The following CHRNB2 variants were observed in gnomAD, a reference collection of about 807,000 sequenced individuals.
CHRNB2 encodes the protein cholinergic receptor nicotinic beta 2 subunit, also known as neuronal acetylcholine receptor subunit beta-2.
CHRNB2 carries 33 observed loss-of-function variants against 42.7 expected under a neutral mutation model. The ratio of observed to expected loss-of-function variants is 0.77; its 90% CI spans 0.59 to 1.03. CHRNB2 has a LOEUF of 1.03. CHRNB2 is among the 50% of genes least tolerant of loss of function. CHRNB2 has a pLI of 0.00. For synonymous variants in CHRNB2, 325 were observed against 292.9 expected, an observed-to-expected ratio of 1.11 and a Z score of -1.12; for missense variants, 603 against 700.9, an observed-to-expected ratio of 0.86 and a Z score of 1.58.
chr1:154,569,395 G>C (rs1696119272), intron 1 of CHRNB2, 67 bp from the exon 2 acceptor site: 1 of 1,596,982 alleles, frequency 6.3e-7, no homozygotes, highest in African/African-American at 1.3e-5. Context: ...CATTTGCCTG[G>C]GGAGGGTGGG....
In CHRNB2 at chr1:154,576,169, G is replaced by A. The variant is rs1039769444; in HGVS notation, c.*237G>A. 1.6e-5 allele frequency: 9 copies of A among 578,846 alleles called. No homozygotes were observed. Among genetic ancestry groups the A allele is most frequent in the Non-Finnish European group, 2.5e-5 (8 of 319,592 alleles). 35.9% of individuals were successfully genotyped at this position (578,846 alleles called of 1,614,324 possible). A position where few individuals can be genotyped will look rare whatever the true frequency, so the allele number is the denominator to read the frequency against. On this transcript the variant is annotated 3_prime_UTR_variant, in exon 6 of 6. Coordinates refer to ENST00000368476, the MANE Select transcript of CHRNB2 (RefSeq NM_000748.3). ...CTCTCCATCTCTTGTACCAGCCCAG[G>A]CAATAGTGTTGAGGAGGGGAGCAAG...
In CHRNB2 at chr1:154,567,997, C is replaced by G. The variant is rs1052728824; in HGVS notation, c.-48C>G. Reference sequence around the variant, plus strand: ...GCCCCACCCGCGGCCCTCCCCCCGGCGGCGCGCTCCAGCCGGTGTAGGCGA... The same window carrying G: ...GCCCCACCCGCGGCCCTCCCCCCGGGGGCGCGCTCCAGCCGGTGTAGGCGA... On this transcript the variant is annotated 5_prime_UTR_variant, in exon 1 of 6. Transcript: ENST00000368476. The G allele has an allele frequency of 2.7e-6, 4 of 1,483,692 alleles. No homozygotes were observed. The highest frequency in any genetic ancestry group is 2.9e-5 in the African/African-American group (2 of 68,722). The allele number at this position is 1,483,692 out of a possible 1,614,324, so 91.9% of individuals were successfully genotyped here.
rs1696297472 is a variant in CHRNB2 at position 154,577,170 on chromosome 1, A to C, written c.*1238A>C. Reference sequence around the variant, plus strand: ...GGACAGGGCTGCTGCTGCCAGCGACACCTCAGAAAGCATAGCCTCGGCTTC... The same window carrying C: ...GGACAGGGCTGCTGCTGCCAGCGACCCCTCAGAAAGCATAGCCTCGGCTTC... On this transcript the variant is annotated 3_prime_UTR_variant, in exon 6 of 6. Transcript: ENST00000368476. 1 of 152,172 alleles carries C rather than the reference A, an allele frequency of 6.6e-6. No homozygotes were observed. The highest frequency in any genetic ancestry group is 1.5e-5 in the Non-Finnish European group (1 of 68,044). The allele number at this position is 152,172 out of a possible 1,614,324, so 9.4% of individuals were successfully genotyped here. A position where few individuals can be genotyped will look rare whatever the true frequency, so the allele number is the denominator to read the frequency against.
intron 1 of CHRNB2, among the ~76,000 whole-genome samples, chr1:154,569,015 A>G (rs1696113204): frequency 6.6e-6 from 1 of 151,542 alleles, no homozygotes; most frequent in Non-Finnish European, 1.5e-5. Context: ...CCACACATAC[A>G]CTTTCTCCTC....
intron 3 of CHRNB2, 66 bp downstream of exon 3, chr1:154,569,902 CT>C: frequency 1.3e-6 from 2 of 1,577,828 alleles, no homozygotes; most frequent in Non-Finnish European, 1.7e-6. Context: ...TCCCCATGTG[CT>C]TTTTTCTTTC....
intron 1 of CHRNB2, among the ~76,000 whole-genome samples, chr1:154,568,345 T>C (rs927031487): frequency 6.6e-6 from 1 of 152,102 alleles, no homozygotes; most frequent in Non-Finnish European, 1.5e-5. Context: ...GATGGAAACC[T>C]GGCCAGCGGT....
At position 154,571,531 on chromosome 1, in the gene CHRNB2, C is replaced by T. The variant is rs71628622; in HGVS notation, c.708C>T (p.Phe236=). 4 of 1,614,162 alleles carry T rather than the reference C, an allele frequency of 2.5e-6. No homozygotes were observed. Among genetic ancestry groups the T allele is most frequent in the Non-Finnish European group, 3.4e-6 (4 of 1,180,034 alleles). ...YDFIIRRKPL[F]YTINLIIPCV... is the part of the protein sequence containing the mutation. ...TCATCATTCGCCGCAAGCCGCTCTT[C>T]TACACCATCAACCTCATCATCCCCT... The change falls in exon 5 of 6, where the codon TTC becomes TTT. Residue 236 remains phenylalanine (F), a synonymous_variant. Coordinates refer to ENST00000368476, the MANE Select transcript of CHRNB2 (RefSeq NM_000748.3). The surrounding 1 kb of genome is among the most constrained non-coding windows in gnomAD (Gnocchi z 6.8).
rs1486659003 is a variant in CHRNB2 at position 154,575,883 on chromosome 1, C to A, written c.1460C>A (p.Thr487Asn). ...MFLQPLFQNY[T>N]TTTFLHSDHS... Reference sequence around the variant, plus strand: ...CTGCAGCCTCTCTTCCAGAACTACACCACCACCACCTTCCTCCACTCAGAC... The same window carrying A: ...CTGCAGCCTCTCTTCCAGAACTACAACACCACCACCTTCCTCCACTCAGAC... The change falls in exon 6 of 6, where the codon ACC becomes AAC. Residue 487 changes from threonine (T) to asparagine (N), a missense_variant. By Grantham distance (65) the Thr-to-Asn change is moderately conservative. This residue lies in a region of CHRNB2 where 270 missense variants were observed against 248.3 expected (regional missense o/e 1.09). Coordinates refer to ENST00000368476, the MANE Select transcript of CHRNB2 (RefSeq NM_000748.3). The A allele has an allele frequency of 6.2e-6, 10 of 1,614,056 alleles. No homozygotes were observed. Among genetic ancestry groups the A allele is most frequent in the Non-Finnish European group, 8.5e-6 (10 of 1,179,910 alleles).
At position 154,579,608 on chromosome 1, in the gene CHRNB2, T is replaced by C. The variant is rs1475578663; in HGVS notation, c.*3676T>C. ...CCAACCAGTGCTGGCCAGACTCCCA[T>C]TCACCGACCTTGACTAGACAGCGAA... On this transcript the variant is annotated 3_prime_UTR_variant, in exon 6 of 6. Coordinates refer to ENST00000368476, the MANE Select transcript of CHRNB2 (RefSeq NM_000748.3). 1 of 152,304 alleles carries C rather than the reference T, an allele frequency of 6.6e-6. No individual in the cohort carries two copies. Among genetic ancestry groups the C allele is most frequent in the Non-Finnish European group, 1.5e-5 (1 of 68,140 alleles). 9.4% of individuals were successfully genotyped at this position (152,304 alleles called of 1,614,324 possible).
intron 2 of CHRNB2, 84 bp downstream of exon 2, chr1:154,569,691 G>A (rs1696127853): frequency 6.2e-7 from 1 of 1,612,306 alleles, no homozygotes; most frequent in South Asian, 1.1e-5. Flanking sequence ...TTCCTCCCCT[G>A]GTGTTTCCAA....
At position 154,567,984 on chromosome 1, in the gene CHRNB2, G is replaced by A. The variant is rs977252707; in HGVS notation, c.-61G>A. ...CACCACGGACAGCGCCCCACCCGCGGCCCTCCCCCCGGCGGCGCGCTCCAG... is the reference window on the plus strand; with the variant it reads ...CACCACGGACAGCGCCCCACCCGCGACCCTCCCCCCGGCGGCGCGCTCCAG... On this transcript the variant is annotated 5_prime_UTR_variant, in exon 1 of 6. Transcript: ENST00000368476. The A allele has an allele frequency of 3.6e-5, 52 of 1,443,958 alleles. No individual in the cohort carries two copies. Among genetic ancestry groups the A allele is most frequent in the Non-Finnish European group, 4.7e-5 (52 of 1,099,470 alleles). 89.4% of individuals were successfully genotyped at this position (1,443,958 alleles called of 1,614,324 possible).
At position 154,571,768 on chromosome 1, in the gene CHRNB2, C is replaced by G. The variant is rs199549612; in HGVS notation, c.945C>G (p.Ser315Arg). Residue 315 changes from serine to arginine, a missense_variant, in exon 5 of 6, where the codon AGC becomes AGG. Around this residue, in one of 2 missense-constraint regions of CHRNB2, gnomAD observed 333 missense variants for 452.6 expected, o/e 0.74. Transcript: ENST00000368476. The surrounding 1 kb of genome is among the most constrained non-coding windows in gnomAD (Gnocchi z 6.8). ...TTGTCACCTTCTCCATCGTCACCAG[C>G]GTGTGCGTGCTCAACGTGCACCACC... is the stretch of plus-strand genomic sequence containing the variant. ...MVLVTFSIVT[S>R]VCVLNVHHRS... 6.2e-7 allele frequency: 1 copy of G among 1,614,172 alleles called. No individual in the cohort carries two copies. Among genetic ancestry groups the G allele is most frequent in the Non-Finnish European group, 8.5e-7 (1 of 1,180,014 alleles).
At position 154,579,198 on chromosome 1, in the gene CHRNB2, A is replaced by C. The variant is rs1696342059; in HGVS notation, c.*3266A>C. 1 of 152,202 alleles carries C rather than the reference A, an allele frequency of 6.6e-6. No individual in the cohort carries two copies. The highest frequency in any genetic ancestry group is 1.5e-5 in the Non-Finnish European group (1 of 68,074). The allele number at this position is 152,202 out of a possible 1,614,324, so 9.4% of individuals were successfully genotyped here. ...TCTTGAAACGGAAGAGGAAACAGGG[A>C]GGGCTCTTTGGATGGTTTGGGGACC... On this transcript the variant is annotated 3_prime_UTR_variant, in exon 6 of 6. Coordinates refer to ENST00000368476, the MANE Select transcript of CHRNB2 (RefSeq NM_000748.3).
rs1286192889 is a variant in CHRNB2, at chr1:154,571,949, C to T, written c.1126C>T (p.Leu376Phe). Reference protein sequence around the residue: ...RQREREGAGALFFREAPGADS... With the variant: ...RQREREGAGAFFFREAPGADS... Reference sequence around the variant, plus strand: ...GCGTGAGCGCGAGGGCGCTGGAGCCCTCTTCTTCCGCGAAGCCCCAGGGGC... The same window carrying T: ...GCGTGAGCGCGAGGGCGCTGGAGCCTTCTTCTTCCGCGAAGCCCCAGGGGC... The change falls in exon 5 of 6, where the codon CTC (leucine) becomes TTC (phenylalanine). Residue 376 changes from leucine to phenylalanine, a missense_variant. Around this residue, in one of 2 missense-constraint regions of CHRNB2, gnomAD observed 270 missense variants for 248.3 expected, o/e 1.09. Transcript: ENST00000368476. This position sits in a 1 kb window ranked among gnomAD's most constrained non-coding sequence, Gnocchi z 6.8. 5 of 1,547,388 alleles carry T rather than the reference C, an allele frequency of 3.2e-6. No individual in the cohort carries two copies. The highest frequency in any genetic ancestry group is 4.3e-6 in the Non-Finnish European group (5 of 1,151,474).
chr1:154,571,952 T>G lies in CHRNB2; in HGVS notation c.1129T>G (p.Phe377Val). The G allele has an allele frequency of 6.5e-7, 1 of 1,545,774 alleles. No individual in the cohort carries two copies. Among genetic ancestry groups the G allele is most frequent in the Non-Finnish European group, 8.7e-7 (1 of 1,150,624 alleles). The stretch of plus-strand genomic sequence containing the variant: ...TGAGCGCGAGGGCGCTGGAGCCCTC[T>G]TCTTCCGCGAAGCCCCAGGGGCCGA... ...QREREGAGALFFREAPGADSC... is the reference protein window; with the variant it reads ...QREREGAGALVFREAPGADSC... Residue 377 changes from phenylalanine (F) to valine (V), a missense_variant, in exon 5 of 6, where the codon TTC (phenylalanine) becomes GTC (valine). Phe to Val is a conservative substitution (Grantham distance 50, BLOSUM62 -1). Coordinates refer to ENST00000368476, the MANE Select transcript of CHRNB2 (RefSeq NM_000748.3). The surrounding 1 kb of genome is among the most constrained non-coding windows in gnomAD (Gnocchi z 6.8).
chr1:154,574,111 G>C (rs1406536979), intron 5 of CHRNB2, among the ~76,000 whole-genome samples: 1 of 152,022 alleles, frequency 6.6e-6, no homozygotes, highest in Admixed American at 6.6e-5. Context: ...TGCACACATG[G>C]GTCCCTCTGC....
At position 154,567,933 on chromosome 1, in the gene CHRNB2, C is replaced by A; in HGVS notation, c.-112C>A. 1 of 1,051,194 alleles carries A rather than the reference C, an allele frequency of 9.5e-7. No homozygotes were observed. Among genetic ancestry groups the A allele is most frequent in the Non-Finnish European group, 1.3e-6 (1 of 784,066 alleles). 65.1% of individuals were successfully genotyped at this position (1,051,194 alleles called of 1,614,324 possible). A position where few individuals can be genotyped will look rare whatever the true frequency, so the allele number is the denominator to read the frequency against. The stretch of plus-strand genomic sequence containing the variant: ...CCGCGGCGGCCGGCACCACCTGGAC[C>A]CAGCTCCAGGCGGGCGCGGCTTCAG... On this transcript the variant is annotated 5_prime_UTR_variant, in exon 1 of 6. Transcript: ENST00000368476.
rs180857424 is a variant in CHRNB2, at chr1:154,578,511, A to G, written c.*2579A>G. On this transcript the variant is annotated 3_prime_UTR_variant, in exon 6 of 6. Transcript: ENST00000368476. The stretch of plus-strand genomic sequence containing the variant: ...CAGCAAGGAAGAAAGGGGTCAGTGT[A>G]TATGAAAGGGTTACCTGGGCAGTGT... The G allele has an allele frequency of 6.6e-6, 1 of 152,414 alleles. No homozygotes were observed. Among genetic ancestry groups the G allele is most frequent in the East Asian group, 1.9e-4 (1 of 5,192 alleles). 9.4% of individuals were successfully genotyped at this position (152,414 alleles called of 1,614,324 possible).
intron 5 of CHRNB2, among the ~76,000 whole-genome samples, chr1:154,574,354 C>T (rs1045269425): frequency 6.6e-6 from 1 of 152,172 alleles, no homozygotes; most frequent in Non-Finnish European, 1.5e-5. Flanking sequence ...CCGATTGTCC[C>T]AGTGATGTCC....
Sources: allele counts gnomAD v4.1 joint callset (sites outside exome capture counted in the v4.1 genomes callset), GRCh38; gene constraint gnomAD v4.1.1; regional missense constraint gnomAD v4.1.1; non-coding constraint Gnocchi (gnomAD v3.1); transcripts MANE v1.5; gene names NCBI Gene and HGNC (gene_info 2026-07-23, HGNC 2026-07-21).